Variants in HPSE2 observed in about 807,000 individuals in gnomAD.
HPSE2 encodes heparanase 2 (inactive).
HPSE2 carries 38 observed loss-of-function variants against 60.5 expected under a neutral mutation model. That is an observed-to-expected ratio of 0.63 (90% confidence interval 0.48 to 0.82). The LOEUF is 0.82. HPSE2 is among the 40% of genes least tolerant of loss of function. The pLI is 0.00. For missense variants in HPSE2, 713 were observed against 740.4 expected (o/e 0.96, Z 0.43); for synonymous variants, 295 against 293.2 (o/e 1.01, Z -0.06).
At chr10:98,630,492 C>T (rs182487960) in intron 7 of HPSE2, among the ~76,000 whole-genome samples, 48 of 152,170 alleles carry the variant, frequency 3.2e-4, no homozygotes, top group Middle Eastern at 3.4e-3. Context: ...CCACCACGCC[C>T]GGCCGTAATA....
chr10:98,476,827 T>A (rs1216201360), intron 11 of HPSE2, among the ~76,000 whole-genome samples: 1 of 151,920 alleles, frequency 6.6e-6, no homozygotes, highest in Non-Finnish European at 1.5e-5. Context: ...TCTGGACTTG[T>A]GAAGAAAAGT....
intron 3 of HPSE2, among the ~76,000 whole-genome samples, chr10:98,863,842 T>C (rs1456426726): frequency 6.6e-6 from 1 of 152,144 alleles, no homozygotes; most frequent in Non-Finnish European, 1.5e-5. Context: ...AAACACAAAA[T>C]GAAGAGAGCT....
chr10:99,262,624 C>T, the HPSE2 span, among the ~76,000 whole-genome samples: 15 of 152,252 alleles, frequency 9.9e-5, no homozygotes, highest in Admixed American at 7.2e-4. Flanking sequence ...TGTTATCACT[C>T]GCCTGTTACA....
intron 3 of HPSE2, among the ~76,000 whole-genome samples, chr10:98,815,088 G>C (rs2134587351): frequency 6.6e-6 from 1 of 152,168 alleles, no homozygotes; most frequent in African/African-American, 2.4e-5. Context: ...GGCAACAAAG[G>C]GAGACACCCA....
intron 3 of HPSE2, among the ~76,000 whole-genome samples, chr10:99,028,604 T>A (rs1173682575): frequency 6.6e-6 from 1 of 152,060 alleles, no homozygotes; most frequent in Non-Finnish European, 1.5e-5. Flanking sequence ...ACAATACCAA[T>A]GACATTCTTC....
intron 2 of HPSE2, among the ~76,000 whole-genome samples, chr10:99,177,090 C>T (rs1754373319): frequency 1.3e-5 from 2 of 152,038 alleles, no homozygotes; most frequent in South Asian, 2.1e-4. Flanking sequence ...TTCACACCAC[C>T]AGGTTTGCCT....
chr10:99,260,623 C>G, the HPSE2 span, among the ~76,000 whole-genome samples: 1 of 152,192 alleles, frequency 6.6e-6, no homozygotes, highest in Non-Finnish European at 1.5e-5. Context: ...ACCCAAAACT[C>G]TGGCGCAGTC....
intron 3 of HPSE2, among the ~76,000 whole-genome samples, chr10:98,845,559 T>C (rs1245667581): frequency 6.6e-6 from 1 of 152,256 alleles, no homozygotes; most frequent in African/African-American, 2.4e-5. Context: ...AAAAATGTTA[T>C]GAGCAATGGC....
chr10:98,582,908 C>T (rs142713227), intron 9 of HPSE2, among the ~76,000 whole-genome samples: 6 of 152,064 alleles, frequency 3.9e-5, no homozygotes, highest in African/African-American at 1.5e-4. Flanking sequence ...TATTTCTGTA[C>T]CCCCTGCCAC....
rs185942231 is a variant in HPSE2 at position 98,788,815 on chromosome 10, C to T, written c.611-44759G>A. On this transcript the variant is annotated intron_variant, in intron 3 of 11. Transcript: ENST00000370552. Reference sequence around the variant, plus strand: ...GCCCTGCTTCGGCTCGAGCACGGTGCGCACACACACTGGCCTGCACCCACT... The same window carrying T: ...GCCCTGCTTCGGCTCGAGCACGGTGTGCACACACACTGGCCTGCACCCACT... Among the ~76,000 whole-genome samples the T allele has an allele frequency of 2.5e-3, 383 of 151,058 alleles. 5 individuals carry two copies. The highest frequency in any genetic ancestry group is 1.2e-3 in the Non-Finnish European group (83 of 67,746).
At chr10:98,580,254 A>G (rs189350400) in intron 9 of HPSE2, among the ~76,000 whole-genome samples, 62 of 152,166 alleles carry the variant, frequency 4.1e-4, no homozygotes, top group African/African-American at 1.5e-3. Flanking sequence ...CTTGAAATTT[A>G]CTAGGCCCTT....
chr10:98,779,363 T>C (rs1950415266), intron 3 of HPSE2, among the ~76,000 whole-genome samples: 1 of 152,070 alleles, frequency 6.6e-6, no homozygotes, highest in African/African-American at 2.4e-5. Flanking sequence ...TTGGGTGGGG[T>C]GGAATCAAGT....
chr10:98,461,172 T>A (rs549327872), intron 11 of HPSE2, among the ~76,000 whole-genome samples: 9 of 152,268 alleles, frequency 5.9e-5, no homozygotes, highest in South Asian at 4.1e-4. Context: ...ATCAGACCCA[T>A]GCCCAATAGA....
intron 9 of HPSE2, among the ~76,000 whole-genome samples, chr10:98,552,617 C>A (rs1013978383): frequency 1.3e-5 from 2 of 152,142 alleles, no homozygotes; most frequent in East Asian, 3.9e-4. Context: ...TATCAAAATT[C>A]TTCGACAACA....
chr10:98,601,337 C>T (rs1945420104), intron 9 of HPSE2, among the ~76,000 whole-genome samples: 1 of 152,158 alleles, frequency 6.6e-6, no homozygotes, highest in African/African-American at 2.4e-5. Context: ...CAAGTTGACA[C>T]ATACAATTAA....
chr10:98,982,040 C>G (rs1375765966), intron 3 of HPSE2, among the ~76,000 whole-genome samples: 1 of 145,666 alleles, frequency 6.9e-6, no homozygotes, highest in Admixed American at 6.9e-5. Flanking sequence ...GTTCTCTATC[C>G]TTTTTTTTTT....
chr10:98,922,384 T>G (rs920331710), intron 3 of HPSE2, among the ~76,000 whole-genome samples: 1 of 152,152 alleles, frequency 6.6e-6, no homozygotes, highest in African/African-American at 2.4e-5. Context: ...GTACCTAGCA[T>G]CTTTTGAACA....
chr10:98,721,570 T>TAAAC (rs1202828676), intron 5 of HPSE2, 87 bp downstream of exon 5: 1 of 1,307,726 alleles, frequency 7.6e-7, no homozygotes, highest in Admixed American at 2.0e-5. Context: ...AATAAATAAA[T>TAAAC]AAATAAATAA....
chr10:99,190,854 A>G (rs1387171281), intron 2 of HPSE2, among the ~76,000 whole-genome samples: 1 of 152,176 alleles, frequency 6.6e-6, no homozygotes, highest in Non-Finnish European at 1.5e-5. Context: ...TGGCTCCTAG[A>G]TGGCGTGTCT....
Sources: gnomAD v4.1 joint callset for allele counts (sites outside exome capture counted in the v4.1 genomes callset) on GRCh38, gnomAD v4.1.1 for gene constraint, MANE v1.5 for transcripts, NCBI Gene and HGNC (gene_info 2026-07-23, HGNC 2026-07-21) for gene names.